Variants in TP53BP2 observed in about 807,000 individuals in gnomAD.
TP53BP2 encodes the protein tumor protein p53 binding protein 2, also known as apoptosis-stimulating of p53 protein 2.
A neutral mutation model predicts 126.2 loss-of-function variants in TP53BP2; 62 were observed. The observed-to-expected ratio is 0.49, with a 90% CI of 0.40 to 0.61. The LOEUF is 0.61. Among genes scored for constraint, TP53BP2 ranks in the 20% least tolerant of loss-of-function variants. The probability of loss-of-function intolerance (pLI) is 0.00; values close to 1 mark genes in which losing one functional copy is unlikely to be tolerated. For synonymous variants in TP53BP2, 485 were observed against 502.9 expected (o/e 0.96, Z 0.48); for missense variants, 1,215 against 1,402.8 (o/e 0.87, Z 2.14).
At chr1:223,845,195 A>G in intron 1 of TP53BP2, 1 of 973,136 alleles carries the variant, frequency 1.0e-6, no homozygotes, top group Non-Finnish European at 1.2e-6. Context: ...GCTACTGTGG[A>G]TATCAAGATC....
intron 2 of TP53BP2, among the ~76,000 whole-genome samples, chr1:223,814,895 T>G (rs1663034893): frequency 6.6e-6 from 1 of 152,156 alleles, no homozygotes; most frequent in African/African-American, 2.4e-5. Flanking sequence ...CTGTAAAATG[T>G]ATCTATATTT....
intron 1 of TP53BP2, among the ~76,000 whole-genome samples, chr1:223,842,913 G>A (rs979557997): frequency 2.6e-5 from 4 of 152,062 alleles, no homozygotes; most frequent in East Asian, 1.9e-4. Flanking sequence ...GTTTCTCCTC[G>A]GCAAGTTGTG....
chr1:223,839,684 A>C (rs1664042602), intron 1 of TP53BP2, among the ~76,000 whole-genome samples: 1 of 152,224 alleles, frequency 6.6e-6, no homozygotes. Context: ...TCACGCCTGT[A>C]ATCCCAGCAC....
intron 1 of TP53BP2, among the ~76,000 whole-genome samples, chr1:223,821,835 A>G (rs1663322079): frequency 1.3e-5 from 2 of 152,156 alleles, no homozygotes. Context: ...CTTGTGGGGC[A>G]GCTCTGTATA....
rs1330828117 is a variant in TP53BP2 at position 223,831,478 on chromosome 1, AAAATATATATATATATATATAT to A, written c.28-10133_28-10112del. ...CATATGTACCATCTAAAAAAAAAAA[AAAATATATATATATATATATAT>A]ATATATATATATATATACTGACCTG... On this transcript the variant is annotated intron_variant, in intron 1 of 17. Coordinates refer to ENST00000343537, the MANE Select transcript of TP53BP2 (RefSeq NM_001031685.3). 9.2e-4 allele frequency among the ~76,000 whole-genome samples: 40 copies of A among 43,612 alleles called. 1 individual carries two copies. In the South Asian group the frequency reaches 9.5e-3, roughly 10 times the overall value. 28.6% of individuals were successfully genotyped at this position (43,612 alleles called of 152,430 possible). A position where few individuals can be genotyped will look rare whatever the true frequency, so the allele number is the denominator to read the frequency against.
intron 1 of TP53BP2, among the ~76,000 whole-genome samples, chr1:223,832,701 A>G (rs1022549202): frequency 1.2e-4 from 19 of 152,312 alleles, no homozygotes; most frequent in African/African-American, 4.1e-4. Flanking sequence ...TCCAGTCCTC[A>G]AGAGTACTCT....
intron 1 of TP53BP2, 154 bp from the exon 2 acceptor site, chr1:223,821,521 T>C (rs1663308758): frequency 9.7e-7 from 1 of 1,032,522 alleles, no homozygotes. Flanking sequence ...AGGTGTGGAC[T>C]GGGGGTTGAG....
At chr1:223,836,655 G>C (rs1297417519) in intron 1 of TP53BP2, among the ~76,000 whole-genome samples, 1 of 152,166 alleles carries the variant, frequency 6.6e-6, no homozygotes, top group East Asian at 1.9e-4. Context: ...GGGAAGCAGT[G>C]TGTTAAATGG....
chr1:223,791,350 C>T (rs1262181743), intron 15 of TP53BP2, among the ~76,000 whole-genome samples: 3 of 152,090 alleles, frequency 2.0e-5, no homozygotes, highest in African/African-American at 7.2e-5. Flanking sequence ...TTTACCTGTA[C>T]ACTGTGGGGA....
chr1:223,800,623 G>A, intron 10 of TP53BP2, 77 bp downstream of exon 10: 1 of 1,004,420 alleles, frequency 1.0e-6, no homozygotes, highest in South Asian at 1.6e-5. Context: ...AAGAGAAAAT[G>A]GACTCTCTAA....
At chr1:223,832,239 C>T (rs976061186) in intron 1 of TP53BP2, among the ~76,000 whole-genome samples, 1 of 152,138 alleles carries the variant, frequency 6.6e-6, no homozygotes, top group Admixed American at 6.5e-5. Context: ...AAACTCAAAT[C>T]CTTCAAGTTT....
chr1:223,827,539 T>C (rs1282086316), intron 1 of TP53BP2, among the ~76,000 whole-genome samples: 1 of 152,196 alleles, frequency 6.6e-6, no homozygotes, highest in Non-Finnish European at 1.5e-5. Context: ...GTTCTTCCAG[T>C]GTGTTCTGCC....
chr1:223,840,788 G>C (rs1664076992), intron 1 of TP53BP2, among the ~76,000 whole-genome samples: 1 of 152,212 alleles, frequency 6.6e-6, no homozygotes, highest in East Asian at 1.9e-4. Context: ...GTGTCTTCCA[G>C]ATAAATACAT....
rs149813652 is a variant in TP53BP2, at chr1:223,833,899, G to A, written c.27+11755C>T. ...CACAAATGAGCATGGTATATAAAGC[G>A]ATATGATAAAGAATTATGGAAGTGA... is the stretch of plus-strand genomic sequence containing the variant. On this transcript the variant is annotated intron_variant, in intron 1 of 17. Coordinates refer to ENST00000343537, the MANE Select transcript of TP53BP2 (RefSeq NM_001031685.3). Among the ~76,000 whole-genome samples the A allele has an allele frequency of 2.8e-3, 422 of 152,302 alleles. 2 individuals carry two copies. The highest frequency in any genetic ancestry group is 6.6e-3 in the South Asian group (32 of 4,830).
At chr1:223,810,322 A>C in intron 4 of TP53BP2, 109 bp downstream of exon 4, 1 of 690,198 alleles carries the variant, frequency 1.4e-6, no homozygotes, top group African/African-American at 1.8e-5. Flanking sequence ...ACCTTTAAAA[A>C]GCGGCCATCC....
chr1:223,803,214 G>A, intron 7 of TP53BP2, 57 bp downstream of exon 7: 1 of 1,533,710 alleles, frequency 6.5e-7, no homozygotes, highest in Non-Finnish European at 8.8e-7. Context: ...ACTTATATGA[G>A]CAACTCTGTT....
chr1:223,809,625 G>C (rs554666702), intron 4 of TP53BP2, among the ~76,000 whole-genome samples: 2 of 151,964 alleles, frequency 1.3e-5, no homozygotes, highest in East Asian at 3.9e-4. Context: ...AGAAAAAGAA[G>C]AATCTGAAGA....
chr1:223,845,532 C>G, intron 1 of TP53BP2, 122 bp downstream of exon 1: 1 of 1,104,296 alleles, frequency 9.1e-7, no homozygotes, highest in East Asian at 3.3e-5. Context: ...AAAGCCCCGG[C>G]CCCTCCGCGC....
intron 1 of TP53BP2, among the ~76,000 whole-genome samples, chr1:223,823,313 C>T (rs906687761): frequency 3.9e-5 from 6 of 152,150 alleles, no homozygotes; most frequent in African/African-American, 9.7e-5. Flanking sequence ...CTGGCTAAGA[C>T]ATCAGACTCG....
Sources: gnomAD v4.1 joint callset for allele counts (sites outside exome capture counted in the v4.1 genomes callset) on GRCh38, gnomAD v4.1.1 for gene constraint, MANE v1.5 for transcripts, NCBI Gene and HGNC (gene_info 2026-07-23, HGNC 2026-07-21) for gene names.